Variants in UBE2E2 observed in about 807,000 individuals in gnomAD.
The protein encoded by UBE2E2 is ubiquitin-conjugating enzyme E2 E2.
Under a neutral mutation model 24.7 loss-of-function variants are expected in UBE2E2, and 6 were observed. The ratio of observed to expected loss-of-function variants is 0.24; its 90% CI spans 0.13 to 0.48. UBE2E2 has a LOEUF of 0.48. Among genes scored for constraint, UBE2E2 ranks in the 20% least tolerant of loss-of-function variants. The probability of loss-of-function intolerance (pLI) is 0.99; values close to 1 mark genes in which losing one functional copy is unlikely to be tolerated. For missense variants in UBE2E2, 169 were observed against 245.0 expected, an observed-to-expected ratio of 0.69 and a Z score of 2.07; for synonymous variants, 104 against 83.6, an observed-to-expected ratio of 1.24 and a Z score of -1.33.
intron 3 of UBE2E2, among the ~76,000 whole-genome samples, chr3:23,471,986 A>AT (rs1458225844): frequency 6.6e-6 from 1 of 152,080 alleles, no homozygotes. Flanking sequence ...CCTTTATAAG[A>AT]TAAAAGAATA....
chr3:23,432,465 T>C (rs916388633), intron 3 of UBE2E2, among the ~76,000 whole-genome samples: 1 of 152,048 alleles, frequency 6.6e-6, no homozygotes, highest in African/African-American at 2.4e-5. Context: ...AGTGATATGA[T>C]TTTTAATATT....
chr3:23,306,438 C>A (rs946545943), intron 3 of UBE2E2, among the ~76,000 whole-genome samples: 3 of 152,146 alleles, frequency 2.0e-5, no homozygotes, highest in Non-Finnish European at 2.9e-5. Context: ...CTTCCCCATG[C>A]ATTCATTGTG....
chr3:23,213,370 A>G (rs1340866098), intron 2 of UBE2E2, among the ~76,000 whole-genome samples: 1 of 151,988 alleles, frequency 6.6e-6, no homozygotes, highest in African/African-American at 2.4e-5. Context: ...TCTTCATTTA[A>G]GTCTGAGTGA....
At chr3:23,528,595 C>A (rs1193925162) in intron 4 of UBE2E2, among the ~76,000 whole-genome samples, 1 of 152,184 alleles carries the variant, frequency 6.6e-6, no homozygotes, top group African/African-American at 2.4e-5. Context: ...TTTCCCTCAC[C>A]TAGTTCCCGC....
At chr3:23,221,087 G>C (rs771936080) in intron 3 of UBE2E2, among the ~76,000 whole-genome samples, 17 of 152,274 alleles carry the variant, frequency 1.1e-4, no homozygotes, top group Non-Finnish European at 2.1e-4. Context: ...GAATGACAGA[G>C]AATCCTTATT....
chr3:23,445,107 G>A (rs770684169), intron 3 of UBE2E2, among the ~76,000 whole-genome samples: 14 of 152,208 alleles, frequency 9.2e-5, no homozygotes, highest in South Asian at 6.2e-4. Context: ...GGCAGTTTAC[G>A]CATTTAGCAA....
At chr3:23,258,841 T>C (rs1697813504) in intron 3 of UBE2E2, among the ~76,000 whole-genome samples, 1 of 133,492 alleles carries the variant, frequency 7.5e-6, no homozygotes. Context: ...TGCATTGAGC[T>C]GAGATTGTTC....
At chr3:23,534,137 T>TC in intron 5 of UBE2E2, 1 of 939,932 alleles carries the variant, frequency 1.1e-6, no homozygotes, top group Admixed American at 6.3e-5. Flanking sequence ...GCTTTTTTTT[T>TC]TTTTTTTTTT....
chr3:23,263,415 T>G (rs1304651053), intron 3 of UBE2E2, among the ~76,000 whole-genome samples: 1 of 152,368 alleles, frequency 6.6e-6, no homozygotes, highest in South Asian at 2.1e-4. Context: ...CTGAAGAGCT[T>G]CTGCCTATAA....
chr3:23,502,475 T>C (rs1699745747), intron 4 of UBE2E2, among the ~76,000 whole-genome samples: 1 of 152,194 alleles, frequency 6.6e-6, no homozygotes, highest in Non-Finnish European at 1.5e-5. Flanking sequence ...ATAGAACCTT[T>C]TATGAGGACT....
intron 3 of UBE2E2, among the ~76,000 whole-genome samples, chr3:23,449,512 A>G (rs59461083): frequency 0.12 from 18,482 of 152,218 alleles, 1,263 homozygotes; most frequent in Middle Eastern, 0.2. Context: ...ATCTGATTAC[A>G]TTTGCTCTTT....
chr3:23,286,852 C>T (rs997866073), intron 3 of UBE2E2, among the ~76,000 whole-genome samples: 1 of 152,004 alleles, frequency 6.6e-6, no homozygotes, highest in African/African-American at 2.4e-5. Context: ...TTGTAGAGAG[C>T]TTTCACTTCT....
At chr3:23,324,948 C>T (rs1479590120) in intron 3 of UBE2E2, among the ~76,000 whole-genome samples, 1 of 152,072 alleles carries the variant, frequency 6.6e-6, no homozygotes, top group African/African-American at 2.4e-5. Flanking sequence ...TATGTCTGTT[C>T]AACAAACCAC....
chr3:23,245,166 C>G (rs554534851), intron 3 of UBE2E2, among the ~76,000 whole-genome samples: 2 of 152,054 alleles, frequency 1.3e-5, no homozygotes, highest in East Asian at 3.9e-4. Flanking sequence ...GAGATTGTAA[C>G]CATTTACATA....
At position 23,556,454 on chromosome 3, in the gene UBE2E2, T is replaced by TTAAAA. The variant is rs1553620573; in HGVS notation, c.508+23753_508+23754insTAAAA. On this transcript the variant is annotated intron_variant, in intron 5 of 5. Coordinates refer to ENST00000396703, the MANE Select transcript of UBE2E2 (RefSeq NM_152653.4). Reference sequence around the variant, plus strand: ...CCATGCCCAGCCAATAAAATTTATTTAAAAAAAAAAAAAAAAAAGCTATAC... The same window carrying TTAAAA: ...CCATGCCCAGCCAATAAAATTTATTTTAAAAAAAAAAAAAAAAAAAAAAGCTATAC... Among the ~76,000 whole-genome samples the TTAAAA allele has an allele frequency of 1.1e-4, 10 of 94,340 alleles. 1 individual carries two copies. The highest frequency in any genetic ancestry group is 5.5e-4 in the East Asian group (2 of 3,638). 61.9% of individuals were successfully genotyped at this position (94,340 alleles called of 152,430 possible).
chr3:23,332,616 A>G (rs920689562), intron 3 of UBE2E2, among the ~76,000 whole-genome samples: 1 of 151,950 alleles, frequency 6.6e-6, no homozygotes, highest in Non-Finnish European at 1.5e-5. Context: ...AAACTGGGCT[A>G]AGGAAATTGG....
chr3:23,232,137 C>G (rs948331276), intron 3 of UBE2E2, among the ~76,000 whole-genome samples: 1 of 152,228 alleles, frequency 6.6e-6, no homozygotes, highest in Non-Finnish European at 1.5e-5. Context: ...GTTAAACCCT[C>G]TAATCATGCT....
At chr3:23,564,003 G>GAGAA in intron 5 of UBE2E2, among the ~76,000 whole-genome samples, 1 of 150,200 alleles carries the variant, frequency 6.7e-6, no homozygotes, top group Non-Finnish European at 1.5e-5. Context: ...GAAAAGAAAA[G>GAGAA]AGAAAGAAGG....
At chr3:23,573,795 A>G (rs1337789770) in intron 5 of UBE2E2, among the ~76,000 whole-genome samples, 5 of 152,152 alleles carry the variant, frequency 3.3e-5, no homozygotes, top group South Asian at 4.1e-4. Flanking sequence ...TTTGTGGGCA[A>G]TGTACGCCAA....
Sources: gnomAD v4.1 joint callset for allele counts (sites outside exome capture counted in the v4.1 genomes callset) on GRCh38, gnomAD v4.1.1 for gene constraint, MANE v1.5 for transcripts, NCBI Gene and HGNC (gene_info 2026-07-23, HGNC 2026-07-21) for gene names.